The following OTOP1 variants were observed in gnomAD, a reference collection of about 807,000 sequenced individuals.
The protein encoded by OTOP1 is proton channel OTOP1.
Under a neutral mutation model 52.9 loss-of-function variants are expected in OTOP1, and 59 were observed. The ratio of observed to expected loss-of-function variants is 1.12; its 90% CI spans 0.91 to 1.39. OTOP1 has a LOEUF of 1.39. OTOP1 is among the 40% of genes most tolerant of loss of function. OTOP1 has a pLI of 0.00. For missense variants in OTOP1, 761 were observed against 800.9 expected (o/e 0.95, Z 0.60); for synonymous variants, 317 against 337.7 (o/e 0.94, Z 0.67).
chr4:4,208,379 T>G (rs1716954686), intron 2 of OTOP1, among the ~76,000 whole-genome samples: 2 of 152,190 alleles, frequency 1.3e-5, no homozygotes, highest in Admixed American at 1.3e-4. Context: ...TTAGTGATTT[T>G]GGGGCCCCAA....
chr4:4,200,415 G>T (rs1156965111), intron 4 of OTOP1, among the ~76,000 whole-genome samples: 2 of 150,850 alleles, frequency 1.3e-5, no homozygotes, highest in Non-Finnish European at 2.9e-5. Context: ...GGCAGAGCTT[G>T]CAGTGATCCG....
chr4:4,223,746 C>T (rs1261139045), intron 1 of OTOP1, among the ~76,000 whole-genome samples: 1 of 151,702 alleles, frequency 6.6e-6, no homozygotes, highest in East Asian at 2.0e-4. Flanking sequence ...CTAAAAAATA[C>T]AAAAATTAGC....
rs376971460 is a variant in OTOP1 at position 4,189,089 on chromosome 4, C to A, written c.1669-116G>T. ...AACCTAATGCACAGGGACTGAGTCA[C>A]CCCTGACAGAACAATAAGGAGACCT... On this transcript the variant is annotated intron_variant, in intron 5 of 5. Coordinates refer to ENST00000296358, the MANE Select transcript of OTOP1 (RefSeq NM_177998.3). 9 of 910,920 alleles carry A rather than the reference C, an allele frequency of 9.9e-6. No individual in the cohort carries two copies. In the African/African-American group the frequency reaches 1.5e-4, roughly 15 times the overall value. The allele number at this position is 910,920 out of a possible 1,614,324, so 56.4% of individuals were successfully genotyped here.
intron 3 of OTOP1, among the ~76,000 whole-genome samples, chr4:4,203,838 C>A (rs111808680): frequency 0.014 from 2,194 of 152,308 alleles, 55 homozygotes; most frequent in African/African-American, 0.05. Context: ...TTTCACCTGG[C>A]AGCTCAGGCT....
At chr4:4,213,316 C>T (rs1220586002) in intron 1 of OTOP1, among the ~76,000 whole-genome samples, 1 of 152,152 alleles carries the variant, frequency 6.6e-6, no homozygotes, top group Non-Finnish European at 1.5e-5. Flanking sequence ...TGGGAGAAAG[C>T]TTCATGACAT....
Position 4,204,749 on chromosome 4 carries a change from T to TGTGC in OTOP1, c.599+1322_599+1323insGCAC, listed in dbSNP as rs1491506994. 1.2e-4 allele frequency among the ~76,000 whole-genome samples: 18 copies of TGTGC among 149,496 alleles called. No individual in the cohort carries two copies. The East Asian group carries it at 3.6e-3, about 30-fold the overall frequency. ...GTGTGTGTGTGTGTGTGTGTGTGTG[T>TGTGC]GCGTGTGCATGGTGCTTTCTTTCTT... On this transcript the variant is annotated intron_variant, in intron 3 of 5. Transcript: ENST00000296358.
rs1248682049 is a variant in OTOP1, at chr4:4,226,676, G to A, written c.189C>T (p.Ser63=). The A allele has an allele frequency of 1.9e-6, 3 of 1,539,858 alleles. No individual in the cohort carries two copies. Among genetic ancestry groups the A allele is most frequent in the Middle Eastern group, 2.4e-4 (1 of 4,234 alleles). The part of the protein sequence containing the change: ...VPQKLAEMLS[S]QYGLIVFVAG... ...CCACGAACACGATCAGCCCATACTGGCTGCTCAGCATCTCGGCCAGTTTCT... is the reference window on the plus strand; with the variant it reads ...CCACGAACACGATCAGCCCATACTGACTGCTCAGCATCTCGGCCAGTTTCT... Residue 63 remains serine, a synonymous_variant, in exon 1 of 6, where the codon AGC becomes AGT. Transcript: ENST00000296358.
chr4:4,219,771 TTATA>T (rs1717235868), intron 1 of OTOP1, among the ~76,000 whole-genome samples: 1 of 148,700 alleles, frequency 6.7e-6, no homozygotes, highest in Non-Finnish European at 1.5e-5. Context: ...AGTTTTTGCT[TTATA>T]TATATGCACA....
At chr4:4,220,892 C>A (rs775688355) in intron 1 of OTOP1, among the ~76,000 whole-genome samples, 1 of 152,110 alleles carries the variant, frequency 6.6e-6, no homozygotes, top group African/African-American at 2.4e-5. Flanking sequence ...AGTCTACATT[C>A]TATCCCATGC....
At chr4:4,191,399 A>T (rs1310483377) in intron 5 of OTOP1, among the ~76,000 whole-genome samples, 1 of 150,614 alleles carries the variant, frequency 6.6e-6, no homozygotes, top group Admixed American at 6.6e-5. Context: ...AAACCCCCAA[A>T]GTCTTCCCAA....
At chr4:4,200,977 A>T (rs1716771738) in intron 4 of OTOP1, among the ~76,000 whole-genome samples, 1 of 152,196 alleles carries the variant, frequency 6.6e-6, no homozygotes, top group African/African-American at 2.4e-5. Flanking sequence ...GAGCTGACAG[A>T]GTCCTTTTTT....
At chr4:4,213,216 T>C (rs1451846217) in intron 1 of OTOP1, among the ~76,000 whole-genome samples, 1 of 152,184 alleles carries the variant, frequency 6.6e-6, no homozygotes, top group Non-Finnish European at 1.5e-5. Context: ...ACGAATGAAT[T>C]TGGACCCTCA....
chr4:4,225,136 T>C (rs1038672120), intron 1 of OTOP1, among the ~76,000 whole-genome samples: 2 of 152,204 alleles, frequency 1.3e-5, no homozygotes, highest in Non-Finnish European at 2.9e-5. Context: ...CAAGTGGCAA[T>C]GTGTGATGTG....
chr4:4,205,714 T>C (rs1050888154), intron 3 of OTOP1, among the ~76,000 whole-genome samples: 3 of 152,228 alleles, frequency 2.0e-5, no homozygotes, highest in Non-Finnish European at 4.4e-5. Flanking sequence ...TAATCTGACC[T>C]TTGTTTTCAG....
Position 4,202,436 on chromosome 4 carries a change from C to T in OTOP1, c.730+12G>A. 3.1e-6 allele frequency: 5 copies of T among 1,612,828 alleles called. No individual in the cohort carries two copies. The highest frequency in any genetic ancestry group is 4.2e-6 in the Non-Finnish European group (5 of 1,179,002). ...CATGGCAGAAGGGCCACTCACCTCT[C>T]TCACCACTCACCTGTTGTTATGTTC... On this transcript the variant is annotated intron_variant, in intron 4 of 5. Transcript: ENST00000296358.
At chr4:4,208,529 A>G (rs1716957098) in intron 2 of OTOP1, among the ~76,000 whole-genome samples, 1 of 152,242 alleles carries the variant, frequency 6.6e-6, no homozygotes, top group Non-Finnish European at 1.5e-5. Flanking sequence ...AGACACAAGA[A>G]GACCAATACT....
chr4:4,216,820 TC>T (rs1416936926), intron 1 of OTOP1, among the ~76,000 whole-genome samples: 1 of 152,208 alleles, frequency 6.6e-6, no homozygotes, highest in Non-Finnish European at 1.5e-5. Flanking sequence ...ATGAGTCACT[TC>T]CTGCTCCCAG....
At chr4:4,224,102 A>T (rs1717366547) in intron 1 of OTOP1, among the ~76,000 whole-genome samples, 1 of 151,480 alleles carries the variant, frequency 6.6e-6, no homozygotes. Flanking sequence ...TAATCCCAGC[A>T]CTTTGGGAGG....
At chr4:4,219,972 TAC>T (rs1489306492) in intron 1 of OTOP1, among the ~76,000 whole-genome samples, 2 of 145,240 alleles carry the variant, frequency 1.4e-5, no homozygotes, top group East Asian at 3.9e-4. Context: ...TATACATATA[TAC>T]ACATATATAC....
Sources: allele counts gnomAD v4.1 joint callset (sites outside exome capture counted in the v4.1 genomes callset), GRCh38; gene constraint gnomAD v4.1.1; transcripts MANE v1.5; gene names NCBI Gene and HGNC (gene_info 2026-07-23, HGNC 2026-07-21).